Variants in DIAPH2 observed in about 807,000 individuals in gnomAD.
DIAPH2 encodes protein diaphanous homolog 2.
In DIAPH2, 35 loss-of-function variants were observed where a neutral mutation model predicts 92.7. The observed-to-expected ratio is 0.38, with a 90% CI of 0.29 to 0.50. The LOEUF (loss-of-function observed/expected upper bound fraction) is 0.50. Ranked by LOEUF, DIAPH2 falls within the 20% of genes least tolerant of loss-of-function variation. The probability of loss-of-function intolerance (pLI) is 0.94; values close to 1 mark genes in which losing one functional copy is unlikely to be tolerated. For synonymous variants in DIAPH2, 301 were observed against 280.4 expected (o/e 1.07, Z -0.73); for missense variants, 701 against 819.5 (o/e 0.86, Z 1.77).
rs779805939 is a variant in DIAPH2 at position 96,792,017 on chromosome X, G to GC, written c.447+33763dup. Among the ~76,000 whole-genome samples, 8 of 111,110 alleles carry GC rather than the reference G, an allele frequency of 7.2e-5. No homozygotes were observed. In the South Asian group the frequency reaches 3.1e-3, roughly 43 times the overall value. ...TCATGATATGGTATTTAGTAGGTTT[G>GC]CCCCAGTCTCTACAGGGAAACAGGG... On this transcript the variant is annotated intron_variant, in intron 4 of 26. Transcript: ENST00000324765.
chrX:97,337,366 T>C (rs2069073223), intron 23 of DIAPH2, among the ~76,000 whole-genome samples: 2 of 111,323 alleles, frequency 1.8e-5, no homozygotes, highest in Non-Finnish European at 1.9e-5. Context: ...CCACGTGTCA[T>C]GGGAGGGACC....
chrX:96,779,566 A>G (rs1399858259), intron 4 of DIAPH2, among the ~76,000 whole-genome samples: 2 of 112,256 alleles, frequency 1.8e-5, no homozygotes, highest in East Asian at 5.5e-4. Flanking sequence ...CTTAAACATT[A>G]AAATCTACTT....
At position 97,238,570 on chromosome X, in the gene DIAPH2, GTT is replaced by G. The variant is rs774159195; in HGVS notation, c.2720-9132_2720-9131del. ...TTCTGTGAAGGTGACTTTTTAACAG[GTT>G]TTTTTTTTTTTTCCCCCTAAGAATG... On this transcript the variant is annotated intron_variant, in intron 22 of 26. Transcript: ENST00000324765. Among the ~76,000 whole-genome samples, 645 of 100,104 alleles carry G rather than the reference GTT, an allele frequency of 6.4e-3. 8 individuals are homozygous for G. The highest frequency in any genetic ancestry group is 0.022 in the African/African-American group (614 of 27,756). The allele number at this position is 100,104 out of a possible 115,157, so 86.9% of individuals were successfully genotyped here. A position where few individuals can be genotyped will look rare whatever the true frequency, so the allele number is the denominator to read the frequency against.
chrX:97,482,410 G>A (rs1044930596), intron 26 of DIAPH2, among the ~76,000 whole-genome samples: 1 of 112,214 alleles, frequency 8.9e-6, no homozygotes, highest in Non-Finnish European at 1.9e-5. Context: ...GGAATAATCA[G>A]GCTCAGAGGT....
chrX:97,519,778 C>G (rs776924852), intron 26 of DIAPH2, among the ~76,000 whole-genome samples: 29 of 110,911 alleles, frequency 2.6e-4, no homozygotes, highest in Non-Finnish European at 4.2e-4. Flanking sequence ...GTCACCCAGG[C>G]TGGAGTGCAG....
intron 22 of DIAPH2, among the ~76,000 whole-genome samples, chrX:97,227,504 G>A (rs773859028): frequency 2.2e-4 from 25 of 111,907 alleles, no homozygotes; most frequent in African/African-American, 7.5e-4. Context: ...AGTACAAAAT[G>A]TACCCCTTAC....
chrX:97,549,462 T>A (rs1270098522), intron 26 of DIAPH2, among the ~76,000 whole-genome samples: 4 of 111,811 alleles, frequency 3.6e-5, no homozygotes, highest in Non-Finnish European at 5.6e-5. Context: ...ATTAATCTTT[T>A]TTCTAGAAAC....
chrX:97,329,582 A>T (rs1378414602), intron 23 of DIAPH2, among the ~76,000 whole-genome samples: 2 of 111,170 alleles, frequency 1.8e-5, no homozygotes, highest in Non-Finnish European at 3.8e-5. Flanking sequence ...TACGTCTGAA[A>T]GTCTTTAGAC....
chrX:97,478,860 G>A (rs894523438), intron 26 of DIAPH2, among the ~76,000 whole-genome samples: 1 of 111,419 alleles, frequency 9.0e-6, no homozygotes, highest in Admixed American at 9.5e-5. Flanking sequence ...TCTTTAGTTA[G>A]GTTATGGTAG....
chrX:97,328,069 A>T (rs1392755027), intron 23 of DIAPH2, among the ~76,000 whole-genome samples: 2 of 112,152 alleles, frequency 1.8e-5, no homozygotes, highest in Non-Finnish European at 3.7e-5. Flanking sequence ...TAATAGTATC[A>T]GAACATATAG....
chrX:97,307,031 T>C (rs1335554479), intron 23 of DIAPH2, among the ~76,000 whole-genome samples: 1 of 111,836 alleles, frequency 8.9e-6, no homozygotes, highest in Non-Finnish European at 1.9e-5. Flanking sequence ...GAAATGTCTA[T>C]TGAGACCAGA....
rs184021824 is a variant in DIAPH2 at position 97,441,709 on chromosome X, G to C, written c.3241+11964G>C. On this transcript the variant is annotated intron_variant, in intron 26 of 26. Transcript: ENST00000324765. ...CACATGCCTGTAATCCCAGCTACTG[G>C]AGGCTGAGGCAGGAGAATGGCTTGA... Among the ~76,000 whole-genome samples the C allele has an allele frequency of 7.1e-5, 8 of 112,340 alleles. No homozygotes were observed. The South Asian group carries it at 1.5e-3, about 21-fold the overall frequency.
At chrX:97,524,036 A>G (rs1000277937) in intron 26 of DIAPH2, among the ~76,000 whole-genome samples, 1 of 111,512 alleles carries the variant, frequency 9.0e-6, no homozygotes, top group Non-Finnish European at 1.9e-5. Context: ...TTTAGAGTAA[A>G]CCGTAGAATA....
At chrX:97,066,237 A>G (rs1320881849) in intron 17 of DIAPH2, among the ~76,000 whole-genome samples, 1 of 112,094 alleles carries the variant, frequency 8.9e-6, no homozygotes, top group Non-Finnish European at 1.9e-5. Flanking sequence ...CTTCATGCTA[A>G]GTGCTGTATG....
intron 23 of DIAPH2, among the ~76,000 whole-genome samples, chrX:97,338,029 C>T (rs747598542): frequency 5.5e-5 from 6 of 109,632 alleles, no homozygotes; most frequent in Admixed American, 2.0e-4. Flanking sequence ...TGCGCCACCA[C>T]GCCTGGCTAA....
intron 22 of DIAPH2, among the ~76,000 whole-genome samples, chrX:97,154,197 A>G (rs2067305878): frequency 9.0e-6 from 1 of 111,455 alleles, no homozygotes; most frequent in East Asian, 2.8e-4. Context: ...GCTAAGTGCC[A>G]GGAATTATAT....
intron 4 of DIAPH2, among the ~76,000 whole-genome samples, chrX:96,834,329 A>G (rs1315453820): frequency 1.8e-5 from 2 of 111,975 alleles, no homozygotes; most frequent in Non-Finnish European, 3.8e-5. Context: ...TCTGGTCCCA[A>G]GCATTTCTAA....
At chrX:97,122,917 G>A (rs1188004530) in intron 21 of DIAPH2, among the ~76,000 whole-genome samples, 1 of 111,488 alleles carries the variant, frequency 9.0e-6, no homozygotes, top group Non-Finnish European at 1.9e-5. Context: ...CAAATGCAAA[G>A]GAACATATTC....
chrX:96,811,699 A>G (rs1406655118), intron 4 of DIAPH2, among the ~76,000 whole-genome samples: 2 of 111,832 alleles, frequency 1.8e-5, no homozygotes, highest in African/African-American at 6.5e-5. Flanking sequence ...CATTCTGTCA[A>G]TATCTAGTTT....
Sources: gnomAD v4.1 joint callset for allele counts (sites outside exome capture counted in the v4.1 genomes callset) on GRCh38, gnomAD v4.1.1 for gene constraint, MANE v1.5 for transcripts, NCBI Gene and HGNC (gene_info 2026-07-23, HGNC 2026-07-21) for gene names.